Variants in CELF2 observed in about 807,000 individuals in gnomAD.
CELF2 encodes CUG triplet repeat RNA-binding protein 2.
A neutral mutation model predicts 62.6 loss-of-function variants in CELF2; 8 were observed. The ratio of observed to expected loss-of-function variants is 0.13; its 90% CI spans 0.07 to 0.23. The LOEUF (loss-of-function observed/expected upper bound fraction) is 0.23. Among genes scored for constraint, CELF2 ranks in the 10% least tolerant of loss-of-function variants. CELF2 has a pLI of 1.00. For synonymous variants in CELF2, 258 were observed against 250.0 expected, an observed-to-expected ratio of 1.03 and a Z score of -0.30; for missense variants, 333 against 671.0, an observed-to-expected ratio of 0.50 and a Z score of 5.56.
the CELF2 span, among the ~76,000 whole-genome samples, chr10:10,720,787 A>T: frequency 1.3e-5 from 2 of 152,204 alleles, no homozygotes; most frequent in Admixed American, 6.5e-5. Flanking sequence ...CAACTGTTGC[A>T]TGTAACCTGG....
At chr10:10,885,132 AC>A (rs1419296502) in intron 1 of CELF2, among the ~76,000 whole-genome samples, 2 of 151,842 alleles carry the variant, frequency 1.3e-5, no homozygotes, top group African/African-American at 4.8e-5. Context: ...AATCCCAGCT[AC>A]TCAGGAGGCT....
the CELF2 span, among the ~76,000 whole-genome samples, chr10:10,522,477 G>C: frequency 1.4e-4 from 21 of 152,326 alleles, no homozygotes; most frequent in South Asian, 4.1e-3. Context: ...CACAGAGCAC[G>C]TACCATCTAC....
At chr10:11,183,542 C>T (rs1392567409) in intron 2 of CELF2, among the ~76,000 whole-genome samples, 2 of 152,182 alleles carry the variant, frequency 1.3e-5, no homozygotes, top group Non-Finnish European at 2.9e-5. Flanking sequence ...GGGATTGTAC[C>T]ATTTTACATT....
In CELF2 at chr10:11,244,821, C is replaced by CT. The variant is rs746443681; in HGVS notation, c.355-4332_355-4331insT. Among the ~76,000 whole-genome samples, 3 of 152,168 alleles carry CT rather than the reference C, an allele frequency of 2.0e-5. No individual in the cohort carries two copies. Among genetic ancestry groups the CT allele is most frequent in the Non-Finnish European group, 4.4e-5 (3 of 68,036 alleles). ...CCTGAAATGTCCTTTCCACATCTTCCGGTTAACATGAGGATTGCTTTGAGA... is the reference window on the plus strand; with the variant it reads ...CCTGAAATGTCCTTTCCACATCTTCCTGGTTAACATGAGGATTGCTTTGAGA... On this transcript the variant is annotated intron_variant, in intron 3 of 12. Coordinates refer to ENST00000633077, the MANE Select transcript of CELF2 (RefSeq NM_001326342.2). This position sits in a 1 kb window ranked among gnomAD's most constrained non-coding sequence, Gnocchi z 4.2.
intron 1 of CELF2, among the ~76,000 whole-genome samples, chr10:10,843,997 G>C (rs541200416): frequency 2.0e-5 from 3 of 151,884 alleles, no homozygotes; most frequent in Non-Finnish European, 4.4e-5. Flanking sequence ...AAATGAATTA[G>C]ATGATTCCTA....
At chr10:11,130,374 A>G (rs1564863886) in intron 1 of CELF2, among the ~76,000 whole-genome samples, 1 of 152,208 alleles carries the variant, frequency 6.6e-6, no homozygotes. Context: ...CTGAGCAGGT[A>G]GGGGCTGGCC....
chr10:10,487,650 T>C, the CELF2 span, among the ~76,000 whole-genome samples: 1 of 152,178 alleles, frequency 6.6e-6, no homozygotes, highest in Non-Finnish European at 1.5e-5. Flanking sequence ...TATACTTTGA[T>C]GCATATTTGA....
At chr10:10,525,038 T>C in the CELF2 span, among the ~76,000 whole-genome samples, 5 of 152,222 alleles carry the variant, frequency 3.3e-5, no homozygotes, top group African/African-American at 4.8e-5. Context: ...TATGTACTTA[T>C]GGGATACAGT....
the CELF2 span, among the ~76,000 whole-genome samples, chr10:10,534,907 G>A: frequency 1.3e-5 from 2 of 152,096 alleles, no homozygotes; most frequent in Non-Finnish European, 2.9e-5. Context: ...TTACAAACAG[G>A]ATAATGTTAA....
At chr10:10,793,048 GAC>G in the CELF2 span, among the ~76,000 whole-genome samples, 1 of 152,194 alleles carries the variant, frequency 6.6e-6, no homozygotes, top group Non-Finnish European at 1.5e-5. Context: ...GAAAATGTCA[GAC>G]ACATACGTGG....
intron 1 of CELF2, among the ~76,000 whole-genome samples, chr10:11,161,258 T>C (rs139431718): frequency 6.6e-6 from 1 of 152,364 alleles, no homozygotes; most frequent in African/African-American, 2.4e-5. Context: ...TGCGGTCTTA[T>C]TCCATATGGC....
At chr10:11,102,749 C>T (rs917215283) in intron 1 of CELF2, among the ~76,000 whole-genome samples, 1 of 152,056 alleles carries the variant, frequency 6.6e-6, no homozygotes, top group African/African-American at 2.4e-5. Context: ...GAGCTCATTT[C>T]CCCCTTTCTT....
At chr10:10,462,613 ATCT>A in the CELF2 span, among the ~76,000 whole-genome samples, 1 of 32,930 alleles carries the variant, frequency 3.0e-5, no homozygotes, top group African/African-American at 1.2e-4. Flanking sequence ...AATTTTTTTC[ATCT>A]TTTTTTTTTT....
the CELF2 span, among the ~76,000 whole-genome samples, chr10:10,653,787 C>T: frequency 6.8e-6 from 1 of 147,692 alleles, no homozygotes; most frequent in East Asian, 2.0e-4. Flanking sequence ...AATTGACACC[C>T]TAACATCACA....
intron 2 of CELF2, among the ~76,000 whole-genome samples, chr10:10,976,490 G>T (rs1390035750): frequency 6.6e-6 from 1 of 151,470 alleles, no homozygotes; most frequent in South Asian, 2.1e-4. Context: ...TTTATGTTAA[G>T]CCATTTTACC....
chr10:10,705,920 G>A, the CELF2 span, among the ~76,000 whole-genome samples: 1 of 152,148 alleles, frequency 6.6e-6, no homozygotes, highest in African/African-American at 2.4e-5. Flanking sequence ...AAATCAGATG[G>A]TCACCTACTT....
At chr10:10,683,474 C>T in the CELF2 span, among the ~76,000 whole-genome samples, 1 of 152,124 alleles carries the variant, frequency 6.6e-6, no homozygotes, top group Non-Finnish European at 1.5e-5. Flanking sequence ...AATTACCAGC[C>T]CCATAAACAC....
intron 2 of CELF2, among the ~76,000 whole-genome samples, chr10:11,195,242 C>T (rs1044759396): frequency 6.6e-6 from 1 of 152,164 alleles, no homozygotes; most frequent in Admixed American, 6.5e-5. Flanking sequence ...CCTCCAAGTG[C>T]TGTCTGAGAG....
At chr10:11,181,812 T>C (rs747981145) in intron 2 of CELF2, among the ~76,000 whole-genome samples, 1 of 152,198 alleles carries the variant, frequency 6.6e-6, no homozygotes, top group African/African-American at 2.4e-5. Flanking sequence ...GTGAAGAACA[T>C]TTCCTGATGG....
Sources: gnomAD v4.1 joint callset for allele counts (sites outside exome capture counted in the v4.1 genomes callset) on GRCh38, gnomAD v4.1.1 for gene constraint, Gnocchi (gnomAD v3.1) non-coding constraint, MANE v1.5 for transcripts, NCBI Gene and HGNC (gene_info 2026-07-23, HGNC 2026-07-21) for gene names.